ANO4: variants seen among roughly 807,000 people sequenced by gnomAD.
ANO4 encodes the protein anoctamin-4.
ANO4 carries 69 observed loss-of-function variants against 141.9 expected under a neutral mutation model. The ratio of observed to expected loss-of-function variants is 0.49; its 90% CI spans 0.40 to 0.59. The LOEUF is 0.59. Ranked by LOEUF, ANO4 falls within the 20% of genes least tolerant of loss-of-function variation. The pLI is 0.00. For synonymous variants in ANO4, 350 were observed against 394.3 expected (o/e 0.89, Z 1.33); for missense variants, 894 against 1,162.2 (o/e 0.77, Z 3.36).
At chr12:101,029,491 A>C (rs971007653) in intron 9 of ANO4, among the ~76,000 whole-genome samples, 15 of 152,240 alleles carry the variant, frequency 9.9e-5, no homozygotes, top group African/African-American at 3.4e-4. Context: ...AAATTTACCA[A>C]GCAAATGGAA....
chr12:100,936,255 A>G (rs1400118452), intron 3 of ANO4, among the ~76,000 whole-genome samples: 1 of 152,126 alleles, frequency 6.6e-6, no homozygotes, highest in Non-Finnish European at 1.5e-5. Context: ...AAGAGTAGGA[A>G]TTCTCAACTT....
intron 8 of ANO4, among the ~76,000 whole-genome samples, chr12:100,994,511 T>C (rs1417987861): frequency 6.6e-6 from 1 of 152,222 alleles, no homozygotes; most frequent in Admixed American, 6.5e-5. Context: ...CAGGACATTC[T>C]TTCAGGAAAT....
chr12:100,978,058 C>T (rs2044283723), intron 7 of ANO4, among the ~76,000 whole-genome samples: 1 of 152,232 alleles, frequency 6.6e-6, no homozygotes, highest in South Asian at 2.1e-4. Flanking sequence ...CAAATGATCT[C>T]TTTTCTGCTT....
At chr12:100,724,719 G>T (rs2031028929) in intron 1 of ANO4, among the ~76,000 whole-genome samples, 1 of 152,112 alleles carries the variant, frequency 6.6e-6, no homozygotes, top group Non-Finnish European at 1.5e-5. Flanking sequence ...TATGTTTTTT[G>T]AATGGATGAA....
chr12:101,004,621 A>T (rs2045796095), intron 8 of ANO4, among the ~76,000 whole-genome samples: 1 of 152,168 alleles, frequency 6.6e-6, no homozygotes, highest in Non-Finnish European at 1.5e-5. Flanking sequence ...TATAGAAAAG[A>T]GTAAGGAAGG....
intron 17 of ANO4, among the ~76,000 whole-genome samples, chr12:101,089,338 A>T (rs2049647696): frequency 6.6e-6 from 1 of 152,112 alleles, no homozygotes; most frequent in South Asian, 2.1e-4. Flanking sequence ...TTAGGAAAAA[A>T]GTTTCAAGAC....
intron 14 of ANO4, among the ~76,000 whole-genome samples, chr12:101,072,176 C>T (rs1460520233): frequency 6.6e-6 from 1 of 152,162 alleles, no homozygotes; most frequent in Non-Finnish European, 1.5e-5. Flanking sequence ...TGGATGAGTT[C>T]CTTCCATCTT....
intron 1 of ANO4, among the ~76,000 whole-genome samples, chr12:100,810,156 A>C (rs935949516): frequency 1.4e-5 from 2 of 144,280 alleles, no homozygotes; most frequent in Non-Finnish European, 3.1e-5. Flanking sequence ...GGTTAGGAGT[A>C]TGCTGATCAG....
intron 1 of ANO4, among the ~76,000 whole-genome samples, chr12:100,828,618 G>A (rs553465277): frequency 1.1e-4 from 17 of 152,062 alleles, no homozygotes; most frequent in South Asian, 6.2e-4. Context: ...TCTTTTACAC[G>A]TGATTGATTG....
intron 1 of ANO4, among the ~76,000 whole-genome samples, chr12:100,844,563 G>C (rs1369475228): frequency 6.6e-6 from 1 of 152,090 alleles, no homozygotes; most frequent in African/African-American, 2.4e-5. Flanking sequence ...GTTCTGAAGT[G>C]ACAGGAACTC....
intron 2 of ANO4, among the ~76,000 whole-genome samples, chr12:100,912,421 A>G (rs1444101161): frequency 6.7e-6 from 1 of 149,928 alleles, no homozygotes; most frequent in East Asian, 1.9e-4. Context: ...AAAAAAGAAA[A>G]AAAAAAAAAA....
chr12:100,993,071 C>G (rs1324241595), intron 8 of ANO4, among the ~76,000 whole-genome samples: 2 of 152,060 alleles, frequency 1.3e-5, no homozygotes, highest in Non-Finnish European at 2.9e-5. Flanking sequence ...TGCCTGTAGT[C>G]CCAGCTACTT....
chr12:101,015,741 A>G (rs536584710), intron 8 of ANO4, among the ~76,000 whole-genome samples: 1 of 152,168 alleles, frequency 6.6e-6, no homozygotes, highest in Non-Finnish European at 1.5e-5. Flanking sequence ...CTAGCAGTGC[A>G]TGGGAGTGGA....
At position 100,865,628 on chromosome 12, in the gene ANO4, A is replaced by G. The variant is rs2135906628; in HGVS notation, c.-140-36018A>G. Reference sequence around the variant, plus strand: ...GAGATATCATCTCATGCCAGTTAGAATGGTGATCATTAAAAAGTCAGGAAA... The same window carrying G: ...GAGATATCATCTCATGCCAGTTAGAGTGGTGATCATTAAAAAGTCAGGAAA... On this transcript the variant is annotated intron_variant, in intron 1 of 27. Coordinates refer to ENST00000392977, the MANE Select transcript of ANO4 (RefSeq NM_001286615.2). Among the ~76,000 whole-genome samples, 2 of 152,304 alleles carry G rather than the reference A, an allele frequency of 1.3e-5. 1 individual carries two copies. Among genetic ancestry groups the G allele is most frequent in the South Asian group, 4.1e-4 (2 of 4,824 alleles).
intron 1 of ANO4, among the ~76,000 whole-genome samples, chr12:100,871,153 T>C (rs533964194): frequency 1.3e-5 from 2 of 152,340 alleles, no homozygotes; most frequent in African/African-American, 4.8e-5. Flanking sequence ...CCTTAAATCT[T>C]TGATGAGCTG....
chr12:100,969,613 C>A (rs1421659234), intron 5 of ANO4, among the ~76,000 whole-genome samples: 1 of 152,154 alleles, frequency 6.6e-6, no homozygotes, highest in Non-Finnish European at 1.5e-5. Context: ...AATTTGAAAA[C>A]AATTTCCCGG....
At chr12:100,973,528 G>C (rs1385642631) in intron 6 of ANO4, among the ~76,000 whole-genome samples, 2 of 152,060 alleles carry the variant, frequency 1.3e-5, no homozygotes, top group African/African-American at 4.8e-5. Context: ...ATATGTCCAT[G>C]GATATTTTTT....
intron 3 of ANO4, among the ~76,000 whole-genome samples, chr12:100,927,748 C>G (rs888764565): frequency 6.6e-6 from 1 of 152,084 alleles, no homozygotes; most frequent in African/African-American, 2.4e-5. Flanking sequence ...GTTGCCCACC[C>G]CTCTTGTTTT....
At chr12:100,959,867 C>T (rs1566059140) in intron 5 of ANO4, among the ~76,000 whole-genome samples, 1 of 152,158 alleles carries the variant, frequency 6.6e-6, no homozygotes, top group South Asian at 2.1e-4. Context: ...TGTCCAGTTC[C>T]ATAGCTTTAT....
Sources: allele counts gnomAD v4.1 joint callset (sites outside exome capture counted in the v4.1 genomes callset), GRCh38; gene constraint gnomAD v4.1.1; transcripts MANE v1.5; gene names NCBI Gene and HGNC (gene_info 2026-07-23, HGNC 2026-07-21).